Variants in RSPH14 observed in about 807,000 individuals in gnomAD.
RSPH14 encodes the protein radial spoke head 14 homolog.
A neutral mutation model predicts 26.7 loss-of-function variants in RSPH14; 20 were observed. The observed-to-expected ratio is 0.75, with a 90% CI of 0.53 to 1.09. The LOEUF (loss-of-function observed/expected upper bound fraction) is 1.09. Ranked by LOEUF, RSPH14 falls within the 50% of genes least tolerant of loss-of-function variation. The probability of loss-of-function intolerance (pLI) is 0.00; values close to 1 mark genes in which losing one functional copy is unlikely to be tolerated. For synonymous variants in RSPH14, 177 were observed against 189.3 expected, an observed-to-expected ratio of 0.93 and a Z score of 0.53; for missense variants, 449 against 457.2, an observed-to-expected ratio of 0.98 and a Z score of 0.16.
intron 6 of RSPH14, among the ~76,000 whole-genome samples, chr22:23,061,186 C>G (rs772039859): frequency 2.6e-5 from 4 of 152,148 alleles, no homozygotes; most frequent in Non-Finnish European, 5.9e-5. Flanking sequence ...GCACAGGGCC[C>G]CAGGCTGGTG....
At chr22:23,087,962 G>A (rs953455710) in intron 4 of RSPH14, among the ~76,000 whole-genome samples, 3 of 152,216 alleles carry the variant, frequency 2.0e-5, no homozygotes, top group African/African-American at 7.2e-5. Flanking sequence ...TACAAAGGCA[G>A]TCTAGTGCCC....
intron 4 of RSPH14, among the ~76,000 whole-genome samples, chr22:23,069,109 G>A (rs1302677085): frequency 6.6e-6 from 1 of 152,232 alleles, no homozygotes; most frequent in Non-Finnish European, 1.5e-5. Flanking sequence ...ACATTCCTAG[G>A]GAGGTTATGG....
chr22:23,132,301 T>C lies in RSPH14; in HGVS notation c.421+1725A>G, dbSNP rs1386755766. Among the ~76,000 whole-genome samples the C allele has an allele frequency of 1.3e-5, 2 of 152,194 alleles. 1 individual carries two copies. Among genetic ancestry groups the C allele is most frequent in the South Asian group, 4.1e-4 (2 of 4,830 alleles). ...GTATCCGCTTCAAGGCCTCCTATCA[T>C]GGCCCTTGAAATAATTCCCTCGTCT... On this transcript the variant is annotated intron_variant, in intron 4 of 6. Transcript: ENST00000216036.
the RSPH14 span, among the ~76,000 whole-genome samples, chr22:23,177,902 C>A: frequency 6.6e-6 from 1 of 152,160 alleles, no homozygotes; most frequent in African/African-American, 2.4e-5. Flanking sequence ...AGGCTCAGTG[C>A]AATCCTCCCA....
the RSPH14 span, chr22:23,157,883 G>C: frequency 1.9e-6 from 3 of 1,578,242 alleles, no homozygotes; most frequent in South Asian, 2.4e-5. Flanking sequence ...CTGAGTGCCT[G>C]GTTGGGGGGC....
intron 4 of RSPH14, among the ~76,000 whole-genome samples, chr22:23,115,987 C>G (rs1346231796): frequency 1.3e-5 from 2 of 152,228 alleles, no homozygotes; most frequent in African/African-American, 4.8e-5. Context: ...CCAAGCACAC[C>G]AGGAAGGTGC....
At chr22:23,094,712 G>C (rs1247511205) in intron 4 of RSPH14, among the ~76,000 whole-genome samples, 1 of 152,252 alleles carries the variant, frequency 6.6e-6, no homozygotes, top group Non-Finnish European at 1.5e-5. Flanking sequence ...GCCCATCAGA[G>C]TGCCCTCAAG....
intron 4 of RSPH14, among the ~76,000 whole-genome samples, chr22:23,133,200 T>C (rs2070395344): frequency 6.6e-6 from 1 of 152,204 alleles, no homozygotes. Flanking sequence ...ACAATTCAGA[T>C]GTCCGTCAGC....
At chr22:23,153,343 C>G in the RSPH14 span, among the ~76,000 whole-genome samples, 1 of 152,146 alleles carries the variant, frequency 6.6e-6, no homozygotes, top group East Asian at 1.9e-4. Context: ...GTCATTGGCT[C>G]TGGGGAAGGT....
At chr22:23,161,891 C>T in the RSPH14 span, 1 of 344,248 alleles carries the variant, frequency 2.9e-6, no homozygotes, top group South Asian at 3.1e-5. Context: ...GGCCTCAGAA[C>T]TGCAAACTCC....
At chr22:23,118,939 G>T (rs923331935) in intron 4 of RSPH14, among the ~76,000 whole-genome samples, 55 of 152,342 alleles carry the variant, frequency 3.6e-4, no homozygotes, top group Middle Eastern at 3.4e-3. Context: ...GCCCACAAAG[G>T]CCAGATGGGT....
intron 4 of RSPH14, among the ~76,000 whole-genome samples, chr22:23,105,301 G>A (rs1225822111): frequency 6.6e-6 from 1 of 152,244 alleles, no homozygotes; most frequent in Non-Finnish European, 1.5e-5. Flanking sequence ...CTGCCCCACA[G>A]GGCCACCCAG....
chr22:23,097,279 C>T (rs893496376), intron 4 of RSPH14, among the ~76,000 whole-genome samples: 1 of 152,238 alleles, frequency 6.6e-6, no homozygotes, highest in African/African-American at 2.4e-5. Flanking sequence ...CTTGGGAGCA[C>T]TGGCCTCCGA....
chr22:23,144,302 A>G (rs890903646), upstream of RSPH14, among the ~76,000 whole-genome samples: 1 of 152,050 alleles, frequency 6.6e-6, no homozygotes, highest in Non-Finnish European at 1.5e-5. Context: ...GAGGGTGGAC[A>G]CCATGTCCGT....
rs901633580 is a variant in RSPH14 at position 23,118,309 on chromosome 22, T to C, written c.421+15717A>G. On this transcript the variant is annotated intron_variant, in intron 4 of 6. Transcript: ENST00000216036. ...GCACAAGCTTCTCACAGGAACTGTC[T>C]GCTCCGTGTTATTTATATAAATAAA... is the stretch of plus-strand genomic sequence containing the variant. Among the ~76,000 whole-genome samples the C allele has an allele frequency of 5.3e-5, 8 of 152,354 alleles. No individual in the cohort carries two copies. In the East Asian group the frequency reaches 1.5e-3, roughly 29 times the overall value.
At chr22:23,117,174 G>A (rs182463243) in intron 4 of RSPH14, among the ~76,000 whole-genome samples, 1 of 152,222 alleles carries the variant, frequency 6.6e-6, no homozygotes, top group Admixed American at 6.5e-5. Flanking sequence ...GGAAGAGCCT[G>A]GTACTTGGGG....
At chr22:23,100,813 C>G (rs1311367371) in intron 4 of RSPH14, among the ~76,000 whole-genome samples, 3 of 152,208 alleles carry the variant, frequency 2.0e-5, no homozygotes, top group Non-Finnish European at 4.4e-5. Flanking sequence ...TCAGCCCTTC[C>G]CAAGGAGACC....
intron 4 of RSPH14, among the ~76,000 whole-genome samples, chr22:23,121,719 C>A (rs1038458455): frequency 7.0e-5 from 9 of 127,952 alleles, no homozygotes; most frequent in Non-Finnish European, 1.3e-4. Flanking sequence ...CAGAAAAGTT[C>A]CTTTTTTTTT....
intron 4 of RSPH14, among the ~76,000 whole-genome samples, chr22:23,128,046 G>T (rs1315399455): frequency 6.6e-6 from 1 of 152,126 alleles, no homozygotes; most frequent in Non-Finnish European, 1.5e-5. Flanking sequence ...CTGGGCTGGG[G>T]TCTCAGAGCC....
Sources: allele counts gnomAD v4.1 joint callset (sites outside exome capture counted in the v4.1 genomes callset), GRCh38; gene constraint gnomAD v4.1.1; transcripts MANE v1.5; gene names NCBI Gene and HGNC (gene_info 2026-07-23, HGNC 2026-07-21).